Variants in FAT3 observed in about 807,000 individuals in gnomAD.
FAT3 encodes protocadherin Fat 3.
FAT3 carries 95 observed loss-of-function variants against 310.2 expected under a neutral mutation model. That is an observed-to-expected ratio of 0.31 (90% confidence interval 0.26 to 0.36). FAT3 has a LOEUF of 0.36. Among genes scored for constraint, FAT3 ranks in the 10% least tolerant of loss-of-function variants. The pLI, the probability that FAT3 is intolerant of heterozygous loss-of-function variation, is 1.00. For synonymous variants in FAT3, 2,314 were observed against 2,192.9 expected (o/e 1.06, Z -1.54); for missense variants, 5,408 against 5,715.6 (o/e 0.95, Z 1.74).
At chr11:92,413,394 G>T (rs1950339108) in intron 2 of FAT3, among the ~76,000 whole-genome samples, 1 of 152,144 alleles carries the variant, frequency 6.6e-6, no homozygotes, top group African/African-American at 2.4e-5. Context: ...TTTACATGTT[G>T]AGTATTCTGT....
At chr11:92,277,128 T>A (rs556738508) in intron 1 of FAT3, among the ~76,000 whole-genome samples, 1 of 152,228 alleles carries the variant, frequency 6.6e-6, no homozygotes, top group Admixed American at 6.5e-5. Flanking sequence ...TTTAATTAAA[T>A]ATTATGTAAA....
Position 92,752,943 on chromosome 11 carries a change from A to G in FAT3, c.3670-8913A>G, listed in dbSNP as rs768991272. The stretch of plus-strand genomic sequence containing the variant: ...AATAAGGACTCATTATATATAATAA[A>G]TCATCTGAGAGATAATTATACAAAT... On this transcript the variant is annotated intron_variant, in intron 4 of 27. Transcript: ENST00000525166. 9.0e-4 allele frequency among the ~76,000 whole-genome samples: 137 copies of G among 152,240 alleles called. 1 individual carries two copies. The highest frequency in any genetic ancestry group is 1.3e-3 in the Non-Finnish European group (90 of 68,042).
At chr11:92,429,620 A>T (rs1312738323) in intron 2 of FAT3, among the ~76,000 whole-genome samples, 7 of 152,012 alleles carry the variant, frequency 4.6e-5, no homozygotes, top group Admixed American at 4.6e-4. Context: ...AAAGGATTTT[A>T]TTTCTCCTTT....
chr11:92,425,409 T>C (rs1950610817), intron 2 of FAT3, among the ~76,000 whole-genome samples: 1 of 152,068 alleles, frequency 6.6e-6, no homozygotes, highest in African/African-American at 2.4e-5. Context: ...ATTTTTATAC[T>C]TAAGTTCTGG....
intron 1 of FAT3, among the ~76,000 whole-genome samples, chr11:92,261,387 A>G (rs924070970): frequency 6.6e-6 from 1 of 152,076 alleles, no homozygotes; most frequent in African/African-American, 2.4e-5. Context: ...TGTAGACTGA[A>G]TGAATTAAAA....
chr11:92,355,115 GAAACAGCAGTTCTA>G lies in FAT3; in HGVS notation c.3004_3017del (p.Lys1002Ter). On this transcript the variant is annotated frameshift_variant, in exon 2 of 28. Coordinates refer to ENST00000525166, the MANE Select transcript of FAT3 (RefSeq NM_001367949.2). LOFTEE classifies it high-confidence loss of function. ...GCTTGAGCAAAGAGCTTGATTATGA[GAAACAGCAGTTCTA>G]TAACCTTACTGTGCGGGCCAAAGAC... 1 of 1,613,794 alleles carries G rather than the reference GAAACAGCAGTTCTA, an allele frequency of 6.2e-7. No homozygotes were observed.
At position 92,304,478 on chromosome 11, in the gene FAT3, A is replaced by T. The variant is rs534663107; in HGVS notation, c.-17-47618A>T. 7.2e-5 allele frequency among the ~76,000 whole-genome samples: 11 copies of T among 152,058 alleles called. No homozygotes were observed. The East Asian group carries it at 1.8e-3, about 24-fold the overall frequency. On this transcript the variant is annotated intron_variant, in intron 1 of 27. Coordinates refer to ENST00000525166, the MANE Select transcript of FAT3 (RefSeq NM_001367949.2). ...TGTGGTCATCTCCTCTGGAATGAAT[A>T]CTCATCCTTCCTCTCACAGAATCTC...
At chr11:92,617,936 C>T (rs890390993) in intron 3 of FAT3, among the ~76,000 whole-genome samples, 2 of 152,190 alleles carry the variant, frequency 1.3e-5, no homozygotes, top group African/African-American at 4.8e-5. Context: ...GCATCAGGGC[C>T]CACTTGAGGA....
intron 4 of FAT3, among the ~76,000 whole-genome samples, chr11:92,711,325 G>T (rs937571037): frequency 2.6e-5 from 4 of 151,938 alleles, no homozygotes; most frequent in Admixed American, 6.6e-5. Flanking sequence ...CATTGCATGG[G>T]ATCTCATTAA....
chr11:92,511,214 T>A (rs1039710603), intron 2 of FAT3, among the ~76,000 whole-genome samples: 2 of 152,228 alleles, frequency 1.3e-5, no homozygotes, highest in South Asian at 4.1e-4. Context: ...GAAAATTGTC[T>A]TATTACTTAG....
chr11:92,766,175 C>T (rs530395643), intron 6 of FAT3, among the ~76,000 whole-genome samples: 13 of 152,308 alleles, frequency 8.5e-5, no homozygotes, highest in African/African-American at 3.1e-4. Context: ...CAAAACAGCC[C>T]TATGGCCCTT....
At chr11:92,294,270 A>G (rs575744672) in intron 1 of FAT3, among the ~76,000 whole-genome samples, 1 of 152,064 alleles carries the variant, frequency 6.6e-6, no homozygotes, top group Non-Finnish European at 1.5e-5. Context: ...TCAAGGCCCC[A>G]CCCTTATAAC....
intron 2 of FAT3, among the ~76,000 whole-genome samples, chr11:92,481,374 T>G (rs564861974): frequency 1.1e-3 from 164 of 152,124 alleles, no homozygotes; most frequent in African/African-American, 3.9e-3. Context: ...TTCCAAAGCT[T>G]TTGGAAAAAA....
intron 4 of FAT3, among the ~76,000 whole-genome samples, chr11:92,723,184 C>A (rs1297952859): frequency 2.6e-5 from 4 of 152,164 alleles, no homozygotes; most frequent in Non-Finnish European, 4.4e-5. Flanking sequence ...GCATCCAAGT[C>A]ACCTCTTGAA....
intron 1 of FAT3, among the ~76,000 whole-genome samples, chr11:92,282,634 G>A (rs1260467336): frequency 7.1e-6 from 1 of 141,500 alleles, no homozygotes. Flanking sequence ...ATTGCATAAA[G>A]AGTGAAACTC....
At chr11:92,611,410 A>G (rs1940555413) in intron 3 of FAT3, among the ~76,000 whole-genome samples, 1 of 151,308 alleles carries the variant, frequency 6.6e-6, no homozygotes, top group Non-Finnish European at 1.5e-5. Context: ...ATGAGCCACT[A>G]TGCCCAGCAT....
At position 92,834,963 on chromosome 11, in the gene FAT3, G is replaced by A. The variant is rs373118563; in HGVS notation, c.9965G>A (p.Ser3322Asn). 1.9e-5 allele frequency: 30 copies of A among 1,613,242 alleles called. No individual in the cohort carries two copies. The African/African-American group carries it at 4.0e-4, about 22-fold the overall frequency. ...EAKDGGTPAL[S>N]AVATVNINLT... Reference sequence around the variant, plus strand: ...AAAGATGGGGGCACCCCAGCTCTCAGCGCTGTGGCCACTGTCAACATCAAC... The same window carrying A: ...AAAGATGGGGGCACCCCAGCTCTCAACGCTGTGGCCACTGTCAACATCAAC... Residue 3322 changes from serine (S) to asparagine (N), a missense_variant, in exon 15 of 28, where the codon AGC becomes AAC. Ser to Asn is a conservative substitution (Grantham distance 46). Transcript: ENST00000525166.
intron 4 of FAT3, among the ~76,000 whole-genome samples, chr11:92,751,859 CT>C (rs1322409329): frequency 6.6e-6 from 1 of 152,174 alleles, no homozygotes; most frequent in East Asian, 1.9e-4. Flanking sequence ...TGTTCTGTCA[CT>C]TTCCGGCTGA....
chr11:92,274,464 GT>G (rs1946209629), intron 1 of FAT3, among the ~76,000 whole-genome samples: 1 of 151,956 alleles, frequency 6.6e-6, no homozygotes, highest in Non-Finnish European at 1.5e-5. Context: ...AAAGACCCAG[GT>G]TTTTTAGCAC....
Sources: gnomAD v4.1 joint callset for allele counts (sites outside exome capture counted in the v4.1 genomes callset) on GRCh38, gnomAD v4.1.1 for gene constraint, MANE v1.5 for transcripts, NCBI Gene and HGNC (gene_info 2026-07-23, HGNC 2026-07-21) for gene names.